Variants in KCNIP1 observed in about 807,000 individuals in gnomAD.
KCNIP1 encodes A-type potassium channel modulatory protein KCNIP1.
Under a neutral mutation model 33.0 loss-of-function variants are expected in KCNIP1, and 18 were observed. The ratio of observed to expected loss-of-function variants is 0.55; its 90% CI spans 0.38 to 0.81. KCNIP1 has a LOEUF of 0.81. KCNIP1 is among the 30% of genes least tolerant of loss of function. The pLI is 0.00. For synonymous variants in KCNIP1, 93 were observed against 98.3 expected, an observed-to-expected ratio of 0.95 and a Z score of 0.32; for missense variants, 238 against 271.6, an observed-to-expected ratio of 0.88 and a Z score of 0.87.
At chr5:170,391,997 G>A (rs925704136) in intron 1 of KCNIP1, among the ~76,000 whole-genome samples, 5 of 152,170 alleles carry the variant, frequency 3.3e-5, no homozygotes, top group Admixed American at 6.5e-5. Flanking sequence ...GTGGAGCTTC[G>A]TAAGGGCCTC....
intron 1 of KCNIP1, among the ~76,000 whole-genome samples, chr5:170,614,324 C>G (rs1447813926): frequency 6.6e-6 from 1 of 152,230 alleles, no homozygotes; most frequent in Non-Finnish European, 1.5e-5. Context: ...TCAGGGCCCC[C>G]TCCTCACTAG....
intron 1 of KCNIP1, among the ~76,000 whole-genome samples, chr5:170,424,367 G>T (rs111914443): frequency 1.3e-5 from 2 of 152,180 alleles, no homozygotes; most frequent in African/African-American, 4.8e-5. Flanking sequence ...CTATGGAAAT[G>T]AAGTGAGCTG....
chr5:170,513,696 T>G (rs1171167744), intron 1 of KCNIP1, among the ~76,000 whole-genome samples: 1 of 152,182 alleles, frequency 6.6e-6, no homozygotes, highest in African/African-American at 2.4e-5. Context: ...CTTGCCTGCA[T>G]AATGGATTTC....
At position 170,401,624 on chromosome 5, in the gene KCNIP1, T is replaced by C. The variant is rs1453125825; in HGVS notation, c.88+47660T>C. 3.9e-5 allele frequency among the ~76,000 whole-genome samples: 6 copies of C among 152,014 alleles called. 1 individual carries two copies. Among genetic ancestry groups the C allele is most frequent in the Non-Finnish European group, 7.4e-5 (5 of 68,000 alleles). On this transcript the variant is annotated intron_variant, in intron 1 of 7. Transcript: ENST00000377360. The stretch of plus-strand genomic sequence containing the variant: ...ACAATTTCTTTTAATGAGCCAGGCA[T>C]GGTGGCGCATGCCTGTGGTCCCAGC...
In KCNIP1 at chr5:170,735,764, C is replaced by A. The variant is rs777631118; in HGVS notation, c.609C>A (p.Asp203Glu). 5 of 1,614,022 alleles carry A rather than the reference C, an allele frequency of 3.1e-6. No individual in the cohort carries two copies. Among genetic ancestry groups the A allele is most frequent in the South Asian group, 1.1e-5 (1 of 91,072 alleles). ...TTGCCCTCCTTTTTTCCCAGGACGA[C>A]AACATCATGAGGTCTCTCCAGCTGT... ...DEFLESCQEDDNIMRSLQLFQ... is the reference protein window; with the variant it reads ...DEFLESCQEDENIMRSLQLFQ... The change falls in exon 8 of 8, where the codon GAC becomes GAA. Residue 203 changes from aspartate (D) to glutamate (E), a missense_variant. By Grantham distance (45) the Asp-to-Glu change is conservative. Coordinates refer to ENST00000328939, the MANE Select transcript of KCNIP1 (RefSeq NM_014592.4).
At chr5:170,409,618 C>T (rs767454945) in intron 1 of KCNIP1, among the ~76,000 whole-genome samples, 16 of 152,134 alleles carry the variant, frequency 1.1e-4, no homozygotes, top group East Asian at 1.9e-4. Flanking sequence ...GCTTATGGCC[C>T]GTTCCAGAGC....
At chr5:170,654,383 A>C (rs1761177943) in intron 1 of KCNIP1, among the ~76,000 whole-genome samples, 1 of 152,200 alleles carries the variant, frequency 6.6e-6, no homozygotes, top group Admixed American at 6.5e-5. Context: ...CATGTCCACA[A>C]AGAGGTAATA....
intron 1 of KCNIP1, among the ~76,000 whole-genome samples, chr5:170,588,308 G>C (rs75862284): frequency 6.6e-6 from 1 of 152,100 alleles, no homozygotes; most frequent in Non-Finnish European, 1.5e-5. Context: ...ACACAGTCAG[G>C]AAGTGGAAAT....
At chr5:170,566,301 T>C (rs535673820) in intron 1 of KCNIP1, among the ~76,000 whole-genome samples, 1 of 152,324 alleles carries the variant, frequency 6.6e-6, no homozygotes, top group South Asian at 2.1e-4. Flanking sequence ...TTGTGTTGGC[T>C]AGGCTGGTCT....
intron 1 of KCNIP1, among the ~76,000 whole-genome samples, chr5:170,607,496 C>T (rs1345634096): frequency 2.0e-5 from 3 of 152,188 alleles, no homozygotes; most frequent in Non-Finnish European, 4.4e-5. Flanking sequence ...CTAGCCCCCA[C>T]TTTAGGGATA....
At chr5:170,546,649 G>A (rs1169535224) in intron 1 of KCNIP1, among the ~76,000 whole-genome samples, 2 of 152,080 alleles carry the variant, frequency 1.3e-5, no homozygotes, top group Non-Finnish European at 2.9e-5. Context: ...GCTTTCTGAT[G>A]TCTTCAAATT....
intron 1 of KCNIP1, among the ~76,000 whole-genome samples, chr5:170,543,193 A>G (rs1756279045): frequency 6.6e-6 from 1 of 152,206 alleles, no homozygotes; most frequent in Non-Finnish European, 1.5e-5. Flanking sequence ...ATACTGGGGG[A>G]CATGAGCGTT....
intron 1 of KCNIP1, among the ~76,000 whole-genome samples, chr5:170,523,128 C>A (rs1371922971): frequency 6.6e-6 from 1 of 152,182 alleles, no homozygotes; most frequent in Admixed American, 6.5e-5. Flanking sequence ...TCGAGATGGG[C>A]TGTACATTCA....
rs1763274722 is a variant in KCNIP1, at chr5:170,353,844, G to T, written c.-33G>T. The T allele has an allele frequency of 1.9e-6, 3 of 1,605,576 alleles. No homozygotes were observed. The South Asian group carries it at 3.3e-5, about 18-fold the overall frequency. On this transcript the variant is annotated 5_prime_UTR_variant, in exon 1 of 8. Transcript: ENST00000377360. Reference sequence around the variant, plus strand: ...AAGGTGGGCACTGTCCCTTCTGGGTGCTGACAGCAGAGCCTGGCTCCCCTC... The same window carrying T: ...AAGGTGGGCACTGTCCCTTCTGGGTTCTGACAGCAGAGCCTGGCTCCCCTC...
intron 1 of KCNIP1, among the ~76,000 whole-genome samples, chr5:170,435,523 G>A (rs1755842805): frequency 1.3e-5 from 2 of 152,174 alleles, no homozygotes; most frequent in South Asian, 4.1e-4. Flanking sequence ...TTTTTTGCAA[G>A]CTCACCGGGG....
chr5:170,383,266 G>C, intron 1 of KCNIP1: 1 of 357,142 alleles, frequency 2.8e-6, no homozygotes, highest in Middle Eastern at 7.4e-4. Context: ...CCCTGGGCCT[G>C]GTCCCTCATT....
chr5:170,729,837 T>C (rs796568714), intron 5 of KCNIP1, among the ~76,000 whole-genome samples: 25 of 152,232 alleles, frequency 1.6e-4, no homozygotes, highest in African/African-American at 6.0e-4. Context: ...TTGAAAGTTA[T>C]GCATCCCATT....
intron 1 of KCNIP1, among the ~76,000 whole-genome samples, chr5:170,454,928 T>C (rs1756338210): frequency 6.6e-6 from 1 of 152,170 alleles, no homozygotes; most frequent in Non-Finnish European, 1.5e-5. Flanking sequence ...ATTTCAATGT[T>C]AGACAAAATG....
intron 1 of KCNIP1, among the ~76,000 whole-genome samples, chr5:170,532,513 C>T (rs1029743110): frequency 2.0e-5 from 3 of 152,180 alleles, no homozygotes; most frequent in East Asian, 1.9e-4. Context: ...TTTGAGACCA[C>T]GCATGCATGT....
Sources: allele counts gnomAD v4.1 joint callset (sites outside exome capture counted in the v4.1 genomes callset), GRCh38; gene constraint gnomAD v4.1.1; transcripts MANE v1.5; gene names NCBI Gene and HGNC (gene_info 2026-07-23, HGNC 2026-07-21).